Variants in GLRA3 observed in about 807,000 individuals in gnomAD.
The protein encoded by GLRA3 is glycine receptor subunit alpha-3.
GLRA3 carries 44 observed loss-of-function variants against 60.4 expected under a neutral mutation model. That is an observed-to-expected ratio of 0.73 (90% CI 0.57 to 0.94). The LOEUF (loss-of-function observed/expected upper bound fraction) is 0.94. GLRA3 is among the 40% of genes least tolerant of loss of function. GLRA3 has a pLI of 0.00. For missense variants in GLRA3, 508 were observed against 564.6 expected, an observed-to-expected ratio of 0.90 and a Z score of 1.02; for synonymous variants, 223 against 192.9, an observed-to-expected ratio of 1.16 and a Z score of -1.29.
chr4:174,748,078 A>T (rs1276180690), intron 3 of GLRA3, among the ~76,000 whole-genome samples: 1 of 152,216 alleles, frequency 6.6e-6, no homozygotes, highest in Non-Finnish European at 1.5e-5. Flanking sequence ...GTACATACAG[A>T]GCATATGTGT....
rs545377375 is a variant in GLRA3, at chr4:174,640,621, C to T, written c.*3165G>A. ...ACTAAAGTAGTGAACAGCTTGCTCTCTTCTGTTAGTTAAACATTTAGATTA... is the reference window on the plus strand; with the variant it reads ...ACTAAAGTAGTGAACAGCTTGCTCTTTTCTGTTAGTTAAACATTTAGATTA... On this transcript the variant is annotated 3_prime_UTR_variant, in exon 10 of 10. Coordinates refer to ENST00000274093, the MANE Select transcript of GLRA3 (RefSeq NM_006529.4). 2 of 152,104 alleles carry T rather than the reference C, an allele frequency of 1.3e-5. No homozygotes were observed. Among genetic ancestry groups the T allele is most frequent in the East Asian group, 3.9e-4 (2 of 5,186 alleles). The allele number at this position is 152,104 out of a possible 1,614,324, so 9.4% of individuals were successfully genotyped here. A position where few individuals can be genotyped will look rare whatever the true frequency, so the allele number is the denominator to read the frequency against.
At chr4:174,726,214 A>G (rs1414580328) in intron 4 of GLRA3, among the ~76,000 whole-genome samples, 2 of 152,164 alleles carry the variant, frequency 1.3e-5, no homozygotes, top group Non-Finnish European at 2.9e-5. Flanking sequence ...TTCTGCAGGG[A>G]AAGGGAGGAA....
rs559638138 is a variant in GLRA3, at chr4:174,649,439, T to A, written c.1117-5375A>T. 2.6e-5 allele frequency among the ~76,000 whole-genome samples: 4 copies of A among 152,308 alleles called. No individual in the cohort carries two copies. In the East Asian group the frequency reaches 7.7e-4, roughly 29 times the overall value. On this transcript the variant is annotated intron_variant, in intron 9 of 9. Transcript: ENST00000274093. ...TACATAAATGAAGGATCTTGGCATCTCTGGCTTGAGCCTAGTCCTGGGCAA... is the reference window on the plus strand; with the variant it reads ...TACATAAATGAAGGATCTTGGCATCACTGGCTTGAGCCTAGTCCTGGGCAA...
intron 1 of GLRA3, among the ~76,000 whole-genome samples, chr4:174,789,563 C>A (rs1462471848): frequency 1.3e-5 from 2 of 152,054 alleles, no homozygotes; most frequent in African/African-American, 4.8e-5. Context: ...ATAAATGTAC[C>A]ATGTGCACCT....
chr4:174,670,534 T>C (rs1733865308), intron 7 of GLRA3, among the ~76,000 whole-genome samples: 1 of 152,188 alleles, frequency 6.6e-6, no homozygotes, highest in Admixed American at 6.5e-5. Context: ...AGTCTCCAAA[T>C]TGCAAACATA....
intron 4 of GLRA3, among the ~76,000 whole-genome samples, chr4:174,726,675 G>A (rs1233978436): frequency 2.0e-5 from 3 of 152,090 alleles, no homozygotes; most frequent in African/African-American, 7.2e-5. Flanking sequence ...AGGTTCCAAG[G>A]TACACAGCCA....
At chr4:174,766,941 T>G (rs761609965) in intron 3 of GLRA3, 22 bp downstream of exon 3, 2 of 1,370,664 alleles carry the variant, frequency 1.5e-6, no homozygotes, top group Non-Finnish European at 2.1e-6. Context: ...GTGTGAAACT[T>G]GTTGCAAAGT....
intron 7 of GLRA3, among the ~76,000 whole-genome samples, chr4:174,670,996 C>T (rs935715448): frequency 6.6e-6 from 1 of 151,466 alleles, no homozygotes; most frequent in African/African-American, 2.4e-5. Context: ...TTTTCTGGGC[C>T]TTTTTTCTTT....
chr4:174,771,982 T>A (rs1445412530), intron 2 of GLRA3, among the ~76,000 whole-genome samples: 2 of 152,182 alleles, frequency 1.3e-5, no homozygotes, highest in Non-Finnish European at 2.9e-5. Flanking sequence ...GCAAGTGTTA[T>A]GTGGCACATC....
rs188929590 is a variant in GLRA3 at position 174,695,135 on chromosome 4, T to C, written c.575-12196A>G. 2.0e-3 allele frequency among the ~76,000 whole-genome samples: 302 copies of C among 152,028 alleles called. 1 individual carries two copies. The highest frequency in any genetic ancestry group is 6.8e-3 in the African/African-American group (284 of 41,512). On this transcript the variant is annotated intron_variant, in intron 5 of 9. Transcript: ENST00000274093. ...GGGAGCTGAAAGATTCACAGAATGG[T>C]AGTTCTGAATTTTACCAGATTTGTA...
chr4:174,658,132 G>C (rs1036205773), intron 8 of GLRA3, among the ~76,000 whole-genome samples: 2 of 152,110 alleles, frequency 1.3e-5, no homozygotes, highest in Non-Finnish European at 2.9e-5. Context: ...CACACTATGT[G>C]AACTAGACTG....
intron 1 of GLRA3, among the ~76,000 whole-genome samples, chr4:174,805,114 T>C (rs1739986136): frequency 6.6e-6 from 1 of 152,242 alleles, no homozygotes. Context: ...TGCTTTTTGT[T>C]AAAAAAGAAA....
intron 3 of GLRA3, among the ~76,000 whole-genome samples, chr4:174,754,113 T>C (rs767560740): frequency 1.6e-4 from 24 of 152,172 alleles, no homozygotes; most frequent in Non-Finnish European, 3.2e-4. Flanking sequence ...ATTTTTACCT[T>C]TGTGAACAGG....
intron 6 of GLRA3, 41 bp from the exon 7 acceptor site, chr4:174,677,333 G>T: frequency 8.8e-7 from 1 of 1,136,904 alleles, no homozygotes; most frequent in Non-Finnish European, 1.3e-6. Flanking sequence ...AGTACAAATA[G>T]GTCTTTGTTA....
At chr4:174,801,596 A>G (rs1739816516) in intron 1 of GLRA3, among the ~76,000 whole-genome samples, 2 of 152,162 alleles carry the variant, frequency 1.3e-5, no homozygotes, top group Admixed American at 6.5e-5. Flanking sequence ...ACTTTTACAT[A>G]TCATATCCAT....
chr4:174,725,449 G>A (rs1446404875), intron 4 of GLRA3, among the ~76,000 whole-genome samples: 1 of 152,026 alleles, frequency 6.6e-6, no homozygotes, highest in Non-Finnish European at 1.5e-5. Flanking sequence ...AATTTATCAT[G>A]GCTACTTTAA....
chr4:174,762,088 C>T (rs1354953447), intron 3 of GLRA3, among the ~76,000 whole-genome samples: 3 of 152,114 alleles, frequency 2.0e-5, no homozygotes, highest in Non-Finnish European at 4.4e-5. Flanking sequence ...AAAATATGTG[C>T]AGTCAAAACA....
At chr4:174,826,226 A>G (rs1560822934) in intron 1 of GLRA3, among the ~76,000 whole-genome samples, 1 of 152,234 alleles carries the variant, frequency 6.6e-6, no homozygotes, top group Non-Finnish European at 1.5e-5. Context: ...ATGTATTCAT[A>G]TAATGGCATA....
At chr4:174,672,552 C>A (rs1250804112) in intron 7 of GLRA3, among the ~76,000 whole-genome samples, 1 of 152,000 alleles carries the variant, frequency 6.6e-6, no homozygotes, top group Non-Finnish European at 1.5e-5. Context: ...TGATCTCCAG[C>A]ACTCCTCCAT....
Sources: gnomAD v4.1 joint callset for allele counts (sites outside exome capture counted in the v4.1 genomes callset) on GRCh38, gnomAD v4.1.1 for gene constraint, MANE v1.5 for transcripts, NCBI Gene and HGNC (gene_info 2026-07-23, HGNC 2026-07-21) for gene names.